MTA3: variants seen among roughly 807,000 people sequenced by gnomAD.
MTA3 encodes the protein metastasis-associated protein MTA3.
In MTA3, 34 loss-of-function variants were observed where a neutral mutation model predicts 83.5. The ratio of observed to expected loss-of-function variants is 0.41; its 90% CI spans 0.31 to 0.54. MTA3 has a LOEUF of 0.54. Ranked by LOEUF, MTA3 falls within the 20% of genes least tolerant of loss-of-function variation. MTA3 has a pLI of 0.33. For missense variants in MTA3, 761 were observed against 726.4 expected, an observed-to-expected ratio of 1.05 and a Z score of -0.55; for synonymous variants, 303 against 252.7, an observed-to-expected ratio of 1.20 and a Z score of -1.89.
chr2:42,752,108 C>T, intron 16 of MTA3: 1 of 460,794 alleles, frequency 2.2e-6, no homozygotes, highest in Middle Eastern at 3.3e-4. Flanking sequence ...ACATAACCTA[C>T]AGTATGTTCA....
intron 11 of MTA3, among the ~76,000 whole-genome samples, chr2:42,700,641 T>G (rs1444111591): frequency 1.3e-5 from 2 of 152,174 alleles, no homozygotes; most frequent in Non-Finnish European, 2.9e-5. Context: ...CTCTGGCCAG[T>G]CATTTGACCC....
At position 42,538,888 on chromosome 2, in the gene MTA3, C is replaced by T. The variant is rs1321742931; in HGVS notation, c.-140-31549C>T. Among the ~76,000 whole-genome samples the T allele has an allele frequency of 2.0e-5, 3 of 149,256 alleles. No homozygotes were observed. The East Asian group carries it at 5.9e-4, about 30-fold the overall frequency. On this transcript the variant is annotated intron_variant, in intron 2 of 17. Transcript: ENST00000405592. ...TTCCCGGGTTCACGCCATTCTCCTGCCTCAGCCTCCCGAGTAGCTGGGACT... is the reference window on the plus strand; with the variant it reads ...TTCCCGGGTTCACGCCATTCTCCTGTCTCAGCCTCCCGAGTAGCTGGGACT...
chr2:42,712,988 G>A (rs550951526), intron 14 of MTA3: 1 of 152,106 alleles, frequency 6.6e-6, no homozygotes, highest in East Asian at 1.9e-4. Flanking sequence ...AAGATCTACA[G>A]AATCATCCAA....
At chr2:42,517,746 C>T (rs929189303) in intron 2 of MTA3, among the ~76,000 whole-genome samples, 4 of 148,418 alleles carry the variant, frequency 2.7e-5, no homozygotes, top group African/African-American at 7.5e-5. Context: ...GGTGTGGTGG[C>T]GGGAGCCTGT....
chr2:42,753,365 C>G lies in MTA3; in HGVS notation c.1760-9C>G. ...GTTTAACCTTCACACTGTTACTTCC[C>G]TTTTCTAGAACTCACGTGCTGTGTG... On this transcript the variant is annotated splice_polypyrimidine_tract_variant and intron_variant, in intron 16 of 16. Coordinates refer to ENST00000405094, the MANE Select transcript of MTA3 (RefSeq NM_001330442.2). The G allele has an allele frequency of 6.4e-7, 1 of 1,550,568 alleles. No homozygotes were observed. The highest frequency in any genetic ancestry group is 1.2e-5 in the South Asian group (1 of 84,064).
At chr2:42,503,648 T>G (rs1674497669) in intron 2 of MTA3, among the ~76,000 whole-genome samples, 1 of 152,182 alleles carries the variant, frequency 6.6e-6, no homozygotes, top group Admixed American at 6.5e-5. Flanking sequence ...CTCAAGAATT[T>G]CCTTTTATTT....
intron 2 of MTA3, among the ~76,000 whole-genome samples, chr2:42,502,025 C>T (rs1013449922): frequency 6.6e-6 from 1 of 151,664 alleles, no homozygotes; most frequent in African/African-American, 2.4e-5. Flanking sequence ...ACCCAAATTC[C>T]CTGATGGCTT....
rs1413184721 is a variant in MTA3 at position 42,691,229 on chromosome 2, C to T, written c.892-4536C>T. Among the ~76,000 whole-genome samples the T allele has an allele frequency of 5.9e-5, 9 of 152,194 alleles. No homozygotes were observed. The East Asian group carries it at 1.5e-3, about 26-fold the overall frequency. On this transcript the variant is annotated intron_variant, in intron 9 of 16. Transcript: ENST00000405094. ...GTTTCACCATGTTGGCCAGGATGGG[C>T]TCAATCTCCTGACCTTGTGATCTGC...
Position 42,693,963 on chromosome 2 carries a change from A to C in MTA3, c.892-1802A>C, listed in dbSNP as rs192304089. 7.9e-4 allele frequency among the ~76,000 whole-genome samples: 120 copies of C among 152,262 alleles called. 2 individuals are homozygous for C. Among genetic ancestry groups the C allele is most frequent in the Admixed American group, 7.1e-3 (109 of 15,294 alleles). On this transcript the variant is annotated intron_variant, in intron 9 of 16. Coordinates refer to ENST00000405094, the MANE Select transcript of MTA3 (RefSeq NM_001330442.2). ...GTTACTCGGGGCCCATGGGCTCTTT[A>C]GTCAGCAGCTGATGAATCTTGCAGG...
chr2:42,499,942 A>G (rs1674320578), intron 2 of MTA3, among the ~76,000 whole-genome samples: 1 of 151,856 alleles, frequency 6.6e-6, no homozygotes. Context: ...TCATACCTCA[A>G]TAAAGTGTTT....
chr2:42,643,762 G>A (rs1297991533), intron 5 of MTA3, among the ~76,000 whole-genome samples: 1 of 152,104 alleles, frequency 6.6e-6, no homozygotes, highest in Non-Finnish European at 1.5e-5. Flanking sequence ...TGTTTGGTGT[G>A]GACTTCAGAA....
At chr2:42,659,512 C>G (rs1288496605) in intron 7 of MTA3, 1 of 189,440 alleles carries the variant, frequency 5.3e-6, no homozygotes, top group Admixed American at 6.1e-5. Flanking sequence ...TTCTTTTTTA[C>G]CCCCTGCACA....
chr2:42,644,375 T>G (rs927696651), intron 6 of MTA3, 131 bp downstream of exon 6: 1 of 554,540 alleles, frequency 1.8e-6, no homozygotes, highest in African/African-American at 2.0e-5. Flanking sequence ...CATTTTACTG[T>G]TCTTTGTAAA....
chr2:42,622,873 T>TC (rs1249364774), intron 4 of MTA3, among the ~76,000 whole-genome samples: 5 of 152,148 alleles, frequency 3.3e-5, no homozygotes, highest in African/African-American at 1.2e-4. Context: ...GCTGGAGGAC[T>TC]TACGTTGCTT....
At chr2:42,666,960 G>C (rs1485123834) in intron 8 of MTA3, among the ~76,000 whole-genome samples, 1 of 152,198 alleles carries the variant, frequency 6.6e-6, no homozygotes, top group Non-Finnish European at 1.5e-5. Flanking sequence ...CACTAAGAGT[G>C]ATGTGTATAT....
intron 16 of MTA3, among the ~76,000 whole-genome samples, chr2:42,724,835 C>T (rs1373634799): frequency 6.6e-6 from 1 of 152,168 alleles, no homozygotes; most frequent in East Asian, 1.9e-4. Flanking sequence ...GTAGTGTTCC[C>T]TCTCTAGGGC....
In MTA3 at chr2:42,704,282, A is replaced by G. The variant is rs1405368752; in HGVS notation, c.1114A>G (p.Asn372Asp). Reference protein sequence around the residue: ...GAVGTTFQPQNPLLGRACESC... With the variant: ...GAVGTTFQPQDPLLGRACESC... Reference sequence around the variant, plus strand: ...TGTGGGGACCACGTTCCAGCCTCAGAATCCTCTCTTAGGGAGAGCCTGTGA... The same window carrying G: ...TGTGGGGACCACGTTCCAGCCTCAGGATCCTCTCTTAGGGAGAGCCTGTGA... The change falls in exon 12 of 17, where the codon AAT becomes GAT. Residue 372 changes from asparagine to aspartate, a missense_variant. Physicochemically the swap from Asn to Asp is conservative, Grantham distance 23. Transcript: ENST00000405094. 1 of 1,613,970 alleles carries G rather than the reference A, an allele frequency of 6.2e-7. No homozygotes were observed. Among genetic ancestry groups the G allele is most frequent in the Non-Finnish European group, 8.5e-7 (1 of 1,179,860 alleles).
intron 3 of MTA3, among the ~76,000 whole-genome samples, chr2:42,591,286 A>G (rs1680958866): frequency 6.6e-6 from 1 of 152,228 alleles, no homozygotes; most frequent in Non-Finnish European, 1.5e-5. Flanking sequence ...AATGCAGTAG[A>G]AAGGATAAAA....
intron 3 of MTA3, among the ~76,000 whole-genome samples, chr2:42,581,021 T>C (rs1679557666): frequency 6.6e-6 from 1 of 152,210 alleles, no homozygotes; most frequent in African/African-American, 2.4e-5. Flanking sequence ...CGTTGCCCAC[T>C]GTGTCATCCG....
Sources: allele counts gnomAD v4.1 joint callset (sites outside exome capture counted in the v4.1 genomes callset), GRCh38; gene constraint gnomAD v4.1.1; transcripts MANE v1.5; gene names NCBI Gene and HGNC (gene_info 2026-07-23, HGNC 2026-07-21).